IL1RAPL2: variants seen among roughly 807,000 people sequenced by gnomAD.
The protein encoded by IL1RAPL2 is interleukin 1 receptor accessory protein like 2.
Under a neutral mutation model 44.1 loss-of-function variants are expected in IL1RAPL2, and 3 were observed. The ratio of observed to expected loss-of-function variants is 0.07; its 90% CI spans 0.03 to 0.18. The LOEUF (loss-of-function observed/expected upper bound fraction) is 0.18, where lower values mean the gene tolerates loss of function less well. IL1RAPL2 is among the 10% of genes least tolerant of loss of function. The probability of loss-of-function intolerance (pLI) is 1.00; values close to 1 mark genes in which losing one functional copy is unlikely to be tolerated. For missense variants in IL1RAPL2, 391 were observed against 496.4 expected (o/e 0.79, Z 2.02); for synonymous variants, 181 against 178.8 (o/e 1.01, Z -0.10).
At chrX:105,242,823 G>A (rs782413163) in intron 4 of IL1RAPL2, among the ~76,000 whole-genome samples, 22 of 111,614 alleles carry the variant, frequency 2.0e-4, no homozygotes, top group African/African-American at 7.2e-4. Context: ...TTAAAGGAAT[G>A]GGCCGGGTGC....
intron 2 of IL1RAPL2, among the ~76,000 whole-genome samples, chrX:104,675,538 A>G (rs948789866): frequency 4.8e-4 from 53 of 111,145 alleles, no homozygotes; most frequent in Non-Finnish European, 9.2e-4. Flanking sequence ...CAATTTTGGT[A>G]TAGGTGTGGT....
At chrX:104,714,929 G>A (rs767591529) in intron 2 of IL1RAPL2, among the ~76,000 whole-genome samples, 2 of 111,370 alleles carry the variant, frequency 1.8e-5, no homozygotes, top group African/African-American at 6.5e-5. Context: ...AAGAATGTTG[G>A]CCTGAAGTTT....
chrX:104,994,752 A>T (rs1407887511), intron 2 of IL1RAPL2, among the ~76,000 whole-genome samples: 1 of 110,969 alleles, frequency 9.0e-6, no homozygotes, highest in Non-Finnish European at 1.9e-5. Flanking sequence ...CACCCAAAAG[A>T]CATGAGAACA....
chrX:104,813,353 G>T (rs1369045637), intron 2 of IL1RAPL2, among the ~76,000 whole-genome samples: 1 of 111,461 alleles, frequency 9.0e-6, no homozygotes, highest in Non-Finnish European at 1.9e-5. Context: ...AAATAGGAGA[G>T]TGGTATCAGA....
At chrX:104,866,931 A>G (rs1412221045) in intron 2 of IL1RAPL2, among the ~76,000 whole-genome samples, 1 of 111,203 alleles carries the variant, frequency 9.0e-6, no homozygotes, top group Non-Finnish European at 1.9e-5. Context: ...TATAGCAAAG[A>G]TTCCTCACTT....
At chrX:105,033,445 C>T (rs1348472812) in intron 2 of IL1RAPL2, among the ~76,000 whole-genome samples, 2 of 111,283 alleles carry the variant, frequency 1.8e-5, no homozygotes, top group Non-Finnish European at 3.8e-5. Context: ...TCAGCATTTG[C>T]TTCTCTGTAA....
chrX:105,661,027 T>C (rs891307531), intron 6 of IL1RAPL2, among the ~76,000 whole-genome samples: 2 of 111,305 alleles, frequency 1.8e-5, no homozygotes, highest in Non-Finnish European at 1.9e-5. Context: ...CAGTGATATA[T>C]TGCCTACAAG....
rs752102830 is a variant in IL1RAPL2 at position 105,386,857 on chromosome X, A to G, written c.698-97456A>G. Reference sequence around the variant, plus strand: ...CATGAGATCTCAAACTGGCTCTGCCATTATTCTATTATAGAATCTCAAGGA... The same window carrying G: ...CATGAGATCTCAAACTGGCTCTGCCGTTATTCTATTATAGAATCTCAAGGA... On this transcript the variant is annotated intron_variant, in intron 5 of 10. Transcript: ENST00000372582. Among the ~76,000 whole-genome samples, 6 of 111,700 alleles carry G rather than the reference A, an allele frequency of 5.4e-5. No individual in the cohort carries two copies. The East Asian group carries it at 1.4e-3, about 26-fold the overall frequency.
chrX:105,758,062 T>A (rs2038654485), intron 10 of IL1RAPL2, among the ~76,000 whole-genome samples: 1 of 111,360 alleles, frequency 9.0e-6, no homozygotes. Context: ...ATTATATAAA[T>A]ACAGACACAT....
chrX:104,582,590 C>CTT (rs1928378719), intron 1 of IL1RAPL2, among the ~76,000 whole-genome samples: 2 of 28,267 alleles, frequency 7.1e-5, no homozygotes, highest in Non-Finnish European at 1.5e-4. Flanking sequence ...TTCTTTCTTT[C>CTT]TTTCTTTTTC....
rs768588754 is a variant in IL1RAPL2 at position 104,658,935 on chromosome X, G to A, written c.22G>A (p.Ala8Thr). Residue 8 changes from alanine (A) to threonine (T), a missense_variant, in exon 2 of 11, where the codon GCC (alanine) becomes ACC (threonine). Coordinates refer to ENST00000372582, the MANE Select transcript of IL1RAPL2 (RefSeq NM_017416.2). The stretch of plus-strand genomic sequence containing the variant: ...AAGGATGAAGCCACCATTTCTTTTG[G>A]CCCTTGTGGTCTGTTCTGTAGTCAG... Reference protein sequence around the residue: MKPPFLLALVVCSVVSTN... With the variant: MKPPFLLTLVVCSVVSTN... 22 of 1,205,409 alleles carry A rather than the reference G, an allele frequency of 1.8e-5. No homozygotes were observed. The highest frequency in any genetic ancestry group is 2.4e-5 in the Non-Finnish European group (21 of 892,092).
At chrX:104,628,614 T>G (rs963803020) in intron 1 of IL1RAPL2, among the ~76,000 whole-genome samples, 1 of 112,158 alleles carries the variant, frequency 8.9e-6, no homozygotes, top group Non-Finnish European at 1.9e-5. Flanking sequence ...GGTCCAGGTA[T>G]CTATTTAGTG....
intron 2 of IL1RAPL2, among the ~76,000 whole-genome samples, chrX:104,896,589 A>G (rs370091340): frequency 2.1e-4 from 23 of 111,542 alleles, no homozygotes; most frequent in Middle Eastern, 4.7e-3. Flanking sequence ...TCAGTGCTCT[A>G]TCTAGCTAAA....
intron 2 of IL1RAPL2, among the ~76,000 whole-genome samples, chrX:104,665,627 C>T (rs1602669286): frequency 9.0e-6 from 1 of 111,028 alleles, no homozygotes; most frequent in African/African-American, 3.3e-5. Flanking sequence ...ATGCATTTTT[C>T]AAACTTGGAA....
intron 2 of IL1RAPL2, among the ~76,000 whole-genome samples, chrX:104,992,261 A>G (rs767700765): frequency 2.7e-5 from 3 of 111,427 alleles, no homozygotes; most frequent in Non-Finnish European, 5.7e-5. Context: ...TTTGCATTTT[A>G]GAAAAAAAGC....
chrX:105,731,799 G>A (rs1334018081), intron 7 of IL1RAPL2, among the ~76,000 whole-genome samples: 1 of 111,337 alleles, frequency 9.0e-6, no homozygotes, highest in African/African-American at 3.3e-5. Flanking sequence ...GGATGTGAGT[G>A]TGGGGCTTGG....
intron 2 of IL1RAPL2, among the ~76,000 whole-genome samples, chrX:105,058,917 T>A (rs1286765485): frequency 6.3e-5 from 7 of 111,616 alleles, no homozygotes; most frequent in Non-Finnish European, 1.3e-4. Context: ...CAGTTAACCC[T>A]TGAACAACAT....
intron 1 of IL1RAPL2, among the ~76,000 whole-genome samples, chrX:104,599,650 G>GCGCACA (rs756734077): frequency 1.2e-5 from 1 of 86,173 alleles, no homozygotes; most frequent in Non-Finnish European, 2.3e-5. Flanking sequence ...GATGGATTTA[G>GCGCACA]CACACACACA....
chrX:104,952,616 G>A lies in IL1RAPL2; in HGVS notation c.83-242859G>A, dbSNP rs1057468568. 2.3e-4 allele frequency among the ~76,000 whole-genome samples: 26 copies of A among 111,359 alleles called. 1 individual carries two copies. Among genetic ancestry groups the A allele is most frequent in the African/African-American group, 8.5e-4 (26 of 30,663 alleles). ...TGGGGTACACCCTAGGCCCTAATCA[G>A]TTAAAGGATATTACCTATATACTAG... is the stretch of plus-strand genomic sequence containing the variant. On this transcript the variant is annotated intron_variant, in intron 2 of 10. Coordinates refer to ENST00000372582, the MANE Select transcript of IL1RAPL2 (RefSeq NM_017416.2).
Sources: allele counts gnomAD v4.1 joint callset (sites outside exome capture counted in the v4.1 genomes callset), GRCh38; gene constraint gnomAD v4.1.1; transcripts MANE v1.5; gene names NCBI Gene and HGNC (gene_info 2026-07-23, HGNC 2026-07-21).